The following CRISPLD1 variants were observed in gnomAD, a reference collection of about 807,000 sequenced individuals.
CRISPLD1 encodes the protein cysteine-rich secretory protein LCCL domain-containing 1.
Under a neutral mutation model 77.5 loss-of-function variants are expected in CRISPLD1, and 60 were observed. The ratio of observed to expected loss-of-function variants is 0.77; its 90% CI spans 0.63 to 0.96. CRISPLD1 has a LOEUF of 0.96. CRISPLD1 is among the 40% of genes least tolerant of loss of function. CRISPLD1 has a pLI of 0.00. For missense variants in CRISPLD1, 623 were observed against 615.8 expected, an observed-to-expected ratio of 1.01 and a Z score of -0.12; for synonymous variants, 195 against 200.1, an observed-to-expected ratio of 0.97 and a Z score of 0.22.
chr8:75,000,493 A>G, intron 2 of CRISPLD1: 4 of 910,116 alleles, frequency 4.4e-6, no homozygotes, highest in Non-Finnish European at 5.3e-6. Flanking sequence ...GAGATTTTTG[A>G]TGCTGAACAA....
chr8:75,003,804 C>T (rs1812785375), intron 2 of CRISPLD1, among the ~76,000 whole-genome samples: 1 of 151,980 alleles, frequency 6.6e-6, no homozygotes, highest in East Asian at 1.9e-4. Flanking sequence ...ATGAGATGAG[C>T]TTAATCAGTA....
chr8:75,004,272 T>G (rs1188851687), intron 2 of CRISPLD1, among the ~76,000 whole-genome samples: 4 of 152,164 alleles, frequency 2.6e-5, no homozygotes, highest in Non-Finnish European at 5.9e-5. Context: ...CAAAGTCTAT[T>G]CAGAATGGGT....
At chr8:75,028,063 A>G (rs1813263891) in intron 13 of CRISPLD1, among the ~76,000 whole-genome samples, 1 of 152,192 alleles carries the variant, frequency 6.6e-6, no homozygotes, top group South Asian at 2.1e-4. Context: ...CTTGGGAAAA[A>G]TGCTGATTAA....
At position 75,034,298 on chromosome 8, in the gene CRISPLD1, AAAT is replaced by A. The variant is rs1472320059; in HGVS notation, c.*2061_*2063del. The A allele has an allele frequency of 2.6e-5, 4 of 152,120 alleles. No homozygotes were observed. Among genetic ancestry groups the A allele is most frequent in the Non-Finnish European group, 5.9e-5 (4 of 67,956 alleles). 9.4% of individuals were successfully genotyped at this position (152,120 alleles called of 1,614,324 possible). On this transcript the variant is annotated 3_prime_UTR_variant, in exon 15 of 15. Transcript: ENST00000262207. ...ATTTACCTTACCTGTAAAATGGAACAAATAATATCTCCTTAAGATTGCTCTACG... is the reference window on the plus strand; with the variant it reads ...ATTTACCTTACCTGTAAAATGGAACAAATATCTCCTTAAGATTGCTCTACG...
intron 2 of CRISPLD1, among the ~76,000 whole-genome samples, chr8:74,995,217 A>G (rs1812628580): frequency 1.3e-5 from 2 of 152,322 alleles, no homozygotes; most frequent in African/African-American, 4.8e-5. Flanking sequence ...ATTAGGAAGA[A>G]AACTAGAAGA....
At chr8:75,002,331 T>C (rs76386418) in intron 2 of CRISPLD1, among the ~76,000 whole-genome samples, 9,233 of 148,742 alleles carry the variant, frequency 0.062, 338 homozygotes, top group South Asian at 0.082. Context: ...CAGATTCTTA[T>C]AGGAACAGGG....
chr8:75,002,400 T>C (rs941520784), intron 2 of CRISPLD1, among the ~76,000 whole-genome samples: 1 of 148,752 alleles, frequency 6.7e-6, no homozygotes, highest in African/African-American at 2.5e-5. Context: ...GTTAGGCAGT[T>C]TGCTAATCAA....
At chr8:75,028,168 G>A (rs1047913187) in intron 13 of CRISPLD1, among the ~76,000 whole-genome samples, 3 of 152,108 alleles carry the variant, frequency 2.0e-5, no homozygotes, top group African/African-American at 7.2e-5. Context: ...AATTCAATGG[G>A]ACTTTAAGTG....
chr8:75,017,350 T>G lies in CRISPLD1; in HGVS notation c.1027T>G (p.Tyr343Asp), dbSNP rs1813051069. The change falls in exon 10 of 15, where the codon TAT becomes GAT. Residue 343 changes from tyrosine to aspartate, a missense_variant. Transcript: ENST00000262207. ...QSSICRAAIHYGIIDNDGGWV... is the reference protein window; with the variant it reads ...QSSICRAAIHDGIIDNDGGWV... ...CAGCATCTGTAGAGCTGCAATTCAT[T>G]ATGGTATAATAGACAATGATGGTGG... 1.2e-6 allele frequency: 2 copies of G among 1,608,602 alleles called. No homozygotes were observed. Among genetic ancestry groups the G allele is most frequent in the African/African-American group, 1.3e-5 (1 of 74,750 alleles).
At chr8:74,997,796 T>G (rs2128781943) in intron 2 of CRISPLD1, among the ~76,000 whole-genome samples, 2 of 152,174 alleles carry the variant, frequency 1.3e-5, no homozygotes, top group East Asian at 3.9e-4. Context: ...TTGCTGAGAA[T>G]GAGATGAAGA....
chr8:75,012,446 A>T lies in CRISPLD1; in HGVS notation c.272A>T (p.Glu91Val), dbSNP rs770344608. The T allele has an allele frequency of 6.2e-7, 1 of 1,610,876 alleles. No individual in the cohort carries two copies. Among genetic ancestry groups the T allele is most frequent in the South Asian group, 1.1e-5 (1 of 91,012 alleles). ...TTTAAACTGTAGACATGGGATGTAG[A>T]GCTGGAAAGATCTGCAGAATCCTGG... ...SNMEYMTWDV[E>V]LERSAESWAE... is the part of the protein sequence containing the mutation. Residue 91 changes from glutamate to valine, a missense_variant, in exon 3 of 15, where the codon GAG becomes GTG. Glu to Val is a moderately radical substitution (Grantham distance 121). Coordinates refer to ENST00000262207, the MANE Select transcript of CRISPLD1 (RefSeq NM_031461.6).
intron 10 of CRISPLD1, among the ~76,000 whole-genome samples, chr8:75,019,465 CTTA>C (rs1379414417): frequency 6.6e-6 from 1 of 152,030 alleles, no homozygotes; most frequent in African/African-American, 2.4e-5. Flanking sequence ...CCCTTAGTTA[CTTA>C]TTATTTTGTA....
chr8:75,025,959 A>C (rs1029278855), intron 13 of CRISPLD1, among the ~76,000 whole-genome samples: 3 of 152,228 alleles, frequency 2.0e-5, no homozygotes, highest in African/African-American at 7.2e-5. Flanking sequence ...GATAATTAAG[A>C]ATTTGTCAAA....
intron 2 of CRISPLD1, among the ~76,000 whole-genome samples, chr8:75,005,289 A>T (rs2128783443): frequency 6.6e-6 from 1 of 152,326 alleles, no homozygotes; most frequent in African/African-American, 2.4e-5. Context: ...GGAATTGGAA[A>T]GCTAAGTCTT....
At chr8:75,026,713 G>T (rs1813242283) in intron 13 of CRISPLD1, 1 of 152,042 alleles carries the variant, frequency 6.6e-6, no homozygotes, top group Non-Finnish European at 1.5e-5. Flanking sequence ...AATATTAAGG[G>T]AATTTGATCA....
At chr8:74,992,723 A>G (rs1211596990) in intron 2 of CRISPLD1, among the ~76,000 whole-genome samples, 3 of 152,040 alleles carry the variant, frequency 2.0e-5, no homozygotes, top group African/African-American at 7.2e-5. Flanking sequence ...TTCTCATGAC[A>G]CTTTTCTAAC....
intron 6 of CRISPLD1, among the ~76,000 whole-genome samples, 158 bp from the exon 7 acceptor site, chr8:75,016,407 C>G (rs996135554): frequency 6.6e-6 from 1 of 152,054 alleles, no homozygotes; most frequent in African/African-American, 2.4e-5. Context: ...CACTGCAGTA[C>G]CTAAGATCAC....
intron 3 of CRISPLD1, 127 bp from the exon 4 acceptor site, chr8:75,012,763 A>C (rs1812955023): frequency 2.8e-6 from 3 of 1,090,618 alleles, no homozygotes; most frequent in Non-Finnish European, 3.9e-6. Flanking sequence ...AAGGGGCATA[A>C]AAATTTAAGT....
intron 2 of CRISPLD1, among the ~76,000 whole-genome samples, chr8:74,988,271 G>A (rs190320557): frequency 6.8e-4 from 103 of 152,242 alleles, no homozygotes; most frequent in African/African-American, 2.2e-3. Context: ...TATTTAAAAT[G>A]TATTTATTCT....
Sources: gnomAD v4.1 joint callset for allele counts (sites outside exome capture counted in the v4.1 genomes callset) on GRCh38, gnomAD v4.1.1 for gene constraint, MANE v1.5 for transcripts, NCBI Gene and HGNC (gene_info 2026-07-23, HGNC 2026-07-21) for gene names.